LIN37: variants seen among roughly 807,000 people sequenced by gnomAD.
LIN37 encodes the protein protein lin-37 homolog.
Under a neutral mutation model 38.0 loss-of-function variants are expected in LIN37, and 21 were observed. The observed-to-expected ratio is 0.55, with a 90% CI of 0.39 to 0.80. The LOEUF (loss-of-function observed/expected upper bound fraction) is 0.80. LIN37 is among the 30% of genes least tolerant of loss of function. The pLI is 0.00. For synonymous variants in LIN37, 126 were observed against 122.9 expected, an observed-to-expected ratio of 1.03 and a Z score of -0.17; for missense variants, 273 against 338.5, an observed-to-expected ratio of 0.81 and a Z score of 1.52.
At chr19:35,752,365 G>T in intron 2 of LIN37, 69 bp from the exon 3 acceptor site, 1 of 1,588,398 alleles carries the variant, frequency 6.3e-7, no homozygotes, top group South Asian at 1.1e-5. Context: ...GCTTAATGGG[G>T]AGGCTGCTCG....
chr19:35,753,407 AGGTTG>A (rs890392759), intron 6 of LIN37, 154 bp downstream of exon 6: 1 of 925,274 alleles, frequency 1.1e-6, no homozygotes, highest in Non-Finnish European at 1.7e-6. Context: ...GTGCACTCTT[AGGTTG>A]GGGTGTGGAT....
chr19:35,754,229 C>T lies in LIN37; in HGVS notation c.586-17C>T. On this transcript the variant is annotated splice_polypyrimidine_tract_variant and intron_variant, in intron 7 of 8. Transcript: ENST00000301159. Reference sequence around the variant, plus strand: ...GCTCAGGAATGGCCACTCAACCTGGCCTGTCTGTCCATGCAGCCCTCTGAG... The same window carrying T: ...GCTCAGGAATGGCCACTCAACCTGGTCTGTCTGTCCATGCAGCCCTCTGAG... 1 of 1,614,006 alleles carries T rather than the reference C, an allele frequency of 6.2e-7. No homozygotes were observed. The highest frequency in any genetic ancestry group is 1.3e-5 in the African/African-American group (1 of 75,056).
chr19:35,751,767 C>T (rs1970682645), intron 1 of LIN37, among the ~76,000 whole-genome samples: 2 of 152,166 alleles, frequency 1.3e-5, no homozygotes, highest in African/African-American at 4.8e-5. Context: ...GGGACAGGCA[C>T]AGTGGCTCAC....
rs1970697387 is a variant in LIN37, at chr19:35,752,844, AG to A, written c.191+14del. The A allele has an allele frequency of 6.2e-7, 1 of 1,605,558 alleles. No homozygotes were observed. Among genetic ancestry groups the A allele is most frequent in the Non-Finnish European group, 8.5e-7 (1 of 1,176,050 alleles). On this transcript the variant is annotated intron_variant, in intron 4 of 8. Transcript: ENST00000301159. ...AGCCACTGGCAAAAGGTAAGGTGGC[AG>A]GGTCCCAGCCAGCTGACTAGAGGCT...
At position 35,754,506 on chromosome 19, in the gene LIN37, C is replaced by T. The variant is rs760026867; in HGVS notation, c.*32C>T. 1 of 1,591,800 alleles carries T rather than the reference C, an allele frequency of 6.3e-7. No homozygotes were observed. The highest frequency in any genetic ancestry group is 1.1e-5 in the South Asian group (1 of 90,532). On this transcript the variant is annotated 3_prime_UTR_variant, in exon 9 of 9. Transcript: ENST00000301159. ...CAGGTCCCCCCACACCAGTAAACAT[C>T]CCCCAGCTCCACACTGGTGTCTGCT...
chr19:35,753,805 G>A, intron 6 of LIN37: 1 of 581,104 alleles, frequency 1.7e-6, no homozygotes, highest in Non-Finnish European at 3.0e-6. Context: ...GAGTCTCTGG[G>A]CTGGATAGGA....
At chr19:35,749,152 CA>C (rs1275107761) in intron 1 of LIN37, 12 of 317,580 alleles carry the variant, frequency 3.8e-5, no homozygotes, top group Non-Finnish European at 4.9e-5. Flanking sequence ...CTTAGCCTCC[CA>C]AAGTGCTGAG....
Position 35,754,004 on chromosome 19 carries a change from C to T in LIN37, c.445-13C>T. 1.2e-6 allele frequency: 2 copies of T among 1,611,352 alleles called. No homozygotes were observed. Among genetic ancestry groups the T allele is most frequent in the South Asian group, 1.1e-5 (1 of 91,022 alleles). On this transcript the variant is annotated splice_polypyrimidine_tract_variant and intron_variant, in intron 6 of 8. Transcript: ENST00000301159. ...ACTCTCTTGGGCCTGGCATGGGGCC[C>T]TTGTGTCCCCAGGGCTCAGAGGTAA... is the stretch of plus-strand genomic sequence containing the variant.
intron 3 of LIN37, 111 bp downstream of exon 3, chr19:35,752,595 C>T: frequency 7.7e-7 from 1 of 1,305,142 alleles, no homozygotes; most frequent in Non-Finnish European, 1.1e-6. Flanking sequence ...GCCCGGACCA[C>T]TCCACCTGTA....
rs1970698406 is a variant in LIN37, at chr19:35,752,895, A to T, written c.192-19A>T. 4 of 1,586,310 alleles carry T rather than the reference A, an allele frequency of 2.5e-6. No homozygotes were observed. Among genetic ancestry groups the T allele is most frequent in the Admixed American group, 1.8e-5 (1 of 55,682 alleles). On this transcript the variant is annotated intron_variant, in intron 4 of 8. Coordinates refer to ENST00000301159, the MANE Select transcript of LIN37 (RefSeq NM_019104.3). ...TCCCAGCTCCTACCCCAGTCCTGACACTCCCTCTCCCTACGCAGGCCATCT... is the reference window on the plus strand; with the variant it reads ...TCCCAGCTCCTACCCCAGTCCTGACTCTCCCTCTCCCTACGCAGGCCATCT...
chr19:35,752,063 T>A, intron 1 of LIN37, 113 bp from the exon 2 acceptor site: 1 of 760,334 alleles, frequency 1.3e-6, no homozygotes, highest in Non-Finnish European at 2.2e-6. Context: ...TGCCTGGGCC[T>A]GGCTCTGAGA....
intron 3 of LIN37, 94 bp from the exon 4 acceptor site, chr19:35,752,709 GT>G: frequency 3.3e-6 from 5 of 1,506,614 alleles, no homozygotes; most frequent in Non-Finnish European, 4.5e-6. Flanking sequence ...TGGGGTTCAT[GT>G]GAGCATCTCA....
chr19:35,753,631 C>T (rs978236473), intron 6 of LIN37: 43 of 488,794 alleles, frequency 8.8e-5, no homozygotes, highest in Admixed American at 2.3e-4. Context: ...AGCCATCTGA[C>T]CCAGCGGGGT....
At chr19:35,753,728 C>T (rs1300718645) in intron 6 of LIN37, 17 of 548,222 alleles carry the variant, frequency 3.1e-5, no homozygotes, top group East Asian at 2.8e-4. Context: ...GTGGCACAGA[C>T]GTGACCCCCT....
chr19:35,748,979 G>T (rs1970641727), intron 1 of LIN37: 5 of 1,412,098 alleles, frequency 3.5e-6, no homozygotes, highest in Non-Finnish European at 4.6e-6. Context: ...GGGCAATGAC[G>T]TGCGTGGTAG....
At chr19:35,753,801 C>G in intron 6 of LIN37, 1 of 563,046 alleles carries the variant, frequency 1.8e-6, no homozygotes, top group Non-Finnish European at 3.1e-6. Flanking sequence ...GATGGAGTCT[C>G]TGGGCTGGAT....
At chr19:35,751,889 T>G (rs1970683926) in intron 1 of LIN37, 2 of 199,090 alleles carry the variant, frequency 1.0e-5, no homozygotes, top group Non-Finnish European at 2.1e-5. Flanking sequence ...TTTTTTGTAA[T>G]AAATTTATAT....
rs231244 is a variant in LIN37, at chr19:35,752,289, T to C, written c.110+38T>C. The stretch of plus-strand genomic sequence containing the variant: ...GGGGTCACAGGGCCGGGCACCCTGG[T>C]GGGTTGGGCCCTCTGATCCTGGGTG... On this transcript the variant is annotated intron_variant, in intron 2 of 8. Coordinates refer to ENST00000301159, the MANE Select transcript of LIN37 (RefSeq NM_019104.3). The C allele has an allele frequency of 0.5, 798,474 of 1,587,046 alleles. 205,990 individuals are homozygous for C. The highest frequency in any genetic ancestry group is 0.78 in the African/African-American group (58,293 of 74,406).
chr19:35,754,508 C>A lies in LIN37; in HGVS notation c.*34C>A. The A allele has an allele frequency of 6.3e-7, 1 of 1,587,694 alleles. No individual in the cohort carries two copies. The highest frequency in any genetic ancestry group is 8.6e-7 in the Non-Finnish European group (1 of 1,156,272). On this transcript the variant is annotated 3_prime_UTR_variant, in exon 9 of 9. Transcript: ENST00000301159. ...GGTCCCCCCACACCAGTAAACATCC[C>A]CCAGCTCCACACTGGTGTCTGCTCC...
Sources: gnomAD v4.1 joint callset for allele counts (sites outside exome capture counted in the v4.1 genomes callset) on GRCh38, gnomAD v4.1.1 for gene constraint, MANE v1.5 for transcripts, NCBI Gene and HGNC (gene_info 2026-07-23, HGNC 2026-07-21) for gene names.